The following ALK variants were observed in gnomAD, a reference collection of about 807,000 sequenced individuals.
The protein encoded by ALK is ALK receptor tyrosine kinase.
Under a neutral mutation model 163.1 loss-of-function variants are expected in ALK, and 74 were observed. The ratio of observed to expected loss-of-function variants is 0.45; its 90% CI spans 0.38 to 0.55. ALK has a LOEUF of 0.55. Ranked by LOEUF, ALK falls within the 20% of genes least tolerant of loss-of-function variation. The pLI is 0.00. For synonymous variants in ALK, 960 were observed against 843.2 expected (o/e 1.14, Z -2.40); for missense variants, 2,063 against 2,105.3 (o/e 0.98, Z 0.39).
chr2:29,853,842 C>T (rs530982271), intron 1 of ALK, among the ~76,000 whole-genome samples: 46 of 152,162 alleles, frequency 3.0e-4, no homozygotes, highest in Non-Finnish European at 3.8e-4. Context: ...AGATTTGCCA[C>T]GTCCCTCCCC....
At chr2:29,771,598 G>A (rs1441042046) in intron 1 of ALK, among the ~76,000 whole-genome samples, 2 of 151,850 alleles carry the variant, frequency 1.3e-5, no homozygotes, top group Non-Finnish European at 2.9e-5. Context: ...GCAGTGTCAC[G>A]ATCTCGACTC....
intron 3 of ALK, among the ~76,000 whole-genome samples, chr2:29,573,741 C>G (rs1471513894): frequency 1.3e-5 from 2 of 152,192 alleles, no homozygotes; most frequent in African/African-American, 2.4e-5. Flanking sequence ...AACTCCTAAC[C>G]TTGACAGTGG....
At chr2:29,369,606 G>C (rs975416219) in intron 5 of ALK, among the ~76,000 whole-genome samples, 14 of 152,134 alleles carry the variant, frequency 9.2e-5, no homozygotes. Flanking sequence ...ACATGGATCA[G>C]ACAGGCAATT....
chr2:29,347,841 C>T (rs991009671), intron 5 of ALK, among the ~76,000 whole-genome samples: 28 of 152,172 alleles, frequency 1.8e-4, no homozygotes, highest in Non-Finnish European at 3.1e-4. Flanking sequence ...GAAAGTAGTT[C>T]TCAAACTTTA....
chr2:29,881,528 C>T (rs2148418706), intron 1 of ALK, among the ~76,000 whole-genome samples: 1 of 152,296 alleles, frequency 6.6e-6, no homozygotes, highest in East Asian at 1.9e-4. Flanking sequence ...AACTTTTGTA[C>T]TTGTGGGGCG....
At chr2:29,210,756 A>G (rs1669443945) in intron 24 of ALK, among the ~76,000 whole-genome samples, 1 of 152,214 alleles carries the variant, frequency 6.6e-6, no homozygotes, top group Non-Finnish European at 1.5e-5. Flanking sequence ...GATTTTATCT[A>G]AAGCCCTTGC....
At chr2:29,286,517 C>G (rs1452450983) in intron 9 of ALK, 1 of 152,084 alleles carries the variant, frequency 6.6e-6, no homozygotes, top group Non-Finnish European at 1.5e-5. Flanking sequence ...ATCTGGGGCT[C>G]TGAAAGAAAA....
At chr2:29,460,358 C>T (rs1461025404) in intron 4 of ALK, among the ~76,000 whole-genome samples, 1 of 152,100 alleles carries the variant, frequency 6.6e-6, no homozygotes, top group Non-Finnish European at 1.5e-5. Context: ...ATTTGTTACC[C>T]AGCGGAGGAC....
At chr2:29,473,030 C>T (rs955204515) in intron 4 of ALK, among the ~76,000 whole-genome samples, 3 of 152,254 alleles carry the variant, frequency 2.0e-5, no homozygotes, top group East Asian at 3.9e-4. Flanking sequence ...CTAAAATACA[C>T]GTAGAAATGC....
chr2:29,512,959 T>C (rs998487720), intron 4 of ALK, among the ~76,000 whole-genome samples: 2 of 151,082 alleles, frequency 1.3e-5, no homozygotes, highest in African/African-American at 2.5e-5. Context: ...GAAGGACCTC[T>C]TCAAGGAGAA....
At chr2:29,196,686 G>A (rs1669030600) in intron 28 of ALK, 84 bp downstream of exon 28, 1 of 983,158 alleles carries the variant, frequency 1.0e-6, no homozygotes, top group Non-Finnish European at 1.7e-6. Flanking sequence ...TGACTGGCTT[G>A]ACCTATTTCA....
chr2:29,288,459 C>A (rs1376659495), intron 9 of ALK, among the ~76,000 whole-genome samples: 3 of 152,146 alleles, frequency 2.0e-5, no homozygotes, highest in East Asian at 3.9e-4. Flanking sequence ...CATGGCTGGG[C>A]CCTGCAGGTA....
At chr2:29,357,194 A>AT (rs1668270852) in intron 5 of ALK, among the ~76,000 whole-genome samples, 1 of 152,244 alleles carries the variant, frequency 6.6e-6, no homozygotes, top group Non-Finnish European at 1.5e-5. Flanking sequence ...ACCCATTTAA[A>AT]TGCTGAATGC....
chr2:29,684,487 G>T (rs1678179117), intron 3 of ALK, among the ~76,000 whole-genome samples: 1 of 152,192 alleles, frequency 6.6e-6, no homozygotes, highest in Non-Finnish European at 1.5e-5. Flanking sequence ...CACATGGATT[G>T]CATCTCTGTG....
chr2:29,885,589 A>G (rs1666967298), intron 1 of ALK, among the ~76,000 whole-genome samples: 1 of 152,032 alleles, frequency 6.6e-6, no homozygotes, highest in African/African-American at 2.4e-5. Flanking sequence ...TGGAGAATGA[A>G]TGCTTTCAAG....
intron 3 of ALK, among the ~76,000 whole-genome samples, chr2:29,557,443 T>C (rs767415458): frequency 1.4e-4 from 22 of 152,190 alleles, no homozygotes; most frequent in Non-Finnish European, 3.2e-4. Flanking sequence ...AGCTCACTGA[T>C]CTCAGATCCT....
At chr2:29,849,436 C>T (rs1558517368) in intron 1 of ALK, among the ~76,000 whole-genome samples, 2 of 152,146 alleles carry the variant, frequency 1.3e-5, no homozygotes, top group African/African-American at 4.8e-5. Context: ...AGGCAGGAGG[C>T]GGAACATGCT....
chr2:29,742,281 A>G (rs967094389), intron 1 of ALK, among the ~76,000 whole-genome samples: 2 of 152,166 alleles, frequency 1.3e-5, no homozygotes, highest in African/African-American at 4.8e-5. Context: ...AGCACTCTAC[A>G]TTGCTTTTCC....
At chr2:29,882,454 C>T (rs996910604) in intron 1 of ALK, among the ~76,000 whole-genome samples, 11 of 152,096 alleles carry the variant, frequency 7.2e-5, no homozygotes, top group Non-Finnish European at 1.3e-4. Flanking sequence ...CCAGCACTTT[C>T]GGAGGCTGAG....
Sources: gnomAD v4.1 joint callset for allele counts (sites outside exome capture counted in the v4.1 genomes callset) on GRCh38, gnomAD v4.1.1 for gene constraint, MANE v1.5 for transcripts, NCBI Gene and HGNC (gene_info 2026-07-23, HGNC 2026-07-21) for gene names.